Variants in INTU observed in about 807,000 individuals in gnomAD.
The protein encoded by INTU is inturned planar cell polarity protein.
INTU carries 68 observed loss-of-function variants against 100.5 expected under a neutral mutation model. That is an observed-to-expected ratio of 0.68 (90% CI 0.56 to 0.83). The LOEUF (loss-of-function observed/expected upper bound fraction) is 0.83, where lower values mean the gene tolerates loss of function less well. INTU is among the 40% of genes least tolerant of loss of function. The pLI is 0.00. For missense variants in INTU, 1,071 were observed against 1,114.7 expected, an observed-to-expected ratio of 0.96 and a Z score of 0.56; for synonymous variants, 357 against 395.7, an observed-to-expected ratio of 0.90 and a Z score of 1.16.
intron 1 of INTU, among the ~76,000 whole-genome samples, chr4:127,640,624 G>A (rs1727290443): frequency 8.2e-6 from 1 of 122,184 alleles, no homozygotes; most frequent in East Asian, 2.7e-4. Context: ...TATATTGATG[G>A]TTCCTATAAC....
chr4:127,669,183 G>T, intron 5 of INTU, 29 bp downstream of exon 5: 2 of 1,082,992 alleles, frequency 1.8e-6, no homozygotes, highest in Non-Finnish European at 1.4e-6. Flanking sequence ...CTTTAATTCT[G>T]TTTTTTTCAA....
At chr4:127,708,977 GTGTT>G (rs1445657326) in intron 13 of INTU, among the ~76,000 whole-genome samples, 2 of 152,120 alleles carry the variant, frequency 1.3e-5, no homozygotes, top group Admixed American at 6.6e-5. Context: ...ATTTTTTAGA[GTGTT>G]TGGTGGATGC....
chr4:127,674,323 A>G, intron 6 of INTU, 110 bp downstream of exon 6: 1 of 806,126 alleles, frequency 1.2e-6, no homozygotes, highest in Non-Finnish European at 2.0e-6. Context: ...ACAGTTTTAC[A>G]GTTTAAAGAT....
chr4:127,685,816 A>G (rs1230023188), intron 7 of INTU: 1 of 160,684 alleles, frequency 6.2e-6, no homozygotes. Context: ...TTGTCCTACA[A>G]ATTCCATTAG....
intron 2 of INTU, among the ~76,000 whole-genome samples, chr4:127,649,338 T>C (rs1403953966): frequency 6.6e-6 from 1 of 152,176 alleles, no homozygotes; most frequent in African/African-American, 2.4e-5. Context: ...TCCAAGGCTG[T>C]TCATTACACG....
chr4:127,691,107 G>T (rs1183455438), intron 8 of INTU, among the ~76,000 whole-genome samples: 1 of 152,038 alleles, frequency 6.6e-6, no homozygotes, highest in South Asian at 2.1e-4. Flanking sequence ...TAATCATATG[G>T]TATGTAGTCT....
chr4:127,645,981 G>A (rs1270417260), intron 2 of INTU, among the ~76,000 whole-genome samples: 1 of 151,942 alleles, frequency 6.6e-6, no homozygotes, highest in Non-Finnish European at 1.5e-5. Context: ...CCAGGAGTTT[G>A]AGACCAGCCT....
intron 4 of INTU, among the ~76,000 whole-genome samples, chr4:127,668,125 T>A (rs1034573364): frequency 3.3e-5 from 5 of 152,046 alleles, no homozygotes; most frequent in Admixed American, 6.6e-5. Flanking sequence ...CTCTGAACAT[T>A]TTCATTTTGC....
Position 127,687,934 on chromosome 4 carries a change from T to C in INTU, c.1449+67T>C, listed in dbSNP as rs1052416664. The C allele has an allele frequency of 4.6e-6, 5 of 1,088,430 alleles. No homozygotes were observed. In the African/African-American group the frequency reaches 6.4e-5, roughly 14 times the overall value. The allele number at this position is 1,088,430 out of a possible 1,614,324, so 67.4% of individuals were successfully genotyped here. On this transcript the variant is annotated intron_variant, in intron 8 of 15. Transcript: ENST00000335251. ...TTATTATAATCTTGTATCTTCTCTT[T>C]TTTTCGTAGACTTTTTGTTATTTTT...
chr4:127,695,909 T>G (rs1156459300), intron 8 of INTU, among the ~76,000 whole-genome samples: 8 of 152,222 alleles, frequency 5.3e-5, no homozygotes, highest in Admixed American at 5.2e-4. Flanking sequence ...GAAGGGGTAT[T>G]GGATTTTATC....
chr4:127,690,484 T>C (rs1387212708), intron 8 of INTU, among the ~76,000 whole-genome samples: 1 of 152,166 alleles, frequency 6.6e-6, no homozygotes, highest in Non-Finnish European at 1.5e-5. Flanking sequence ...ATGTTCACAG[T>C]CAGGTTGAGC....
At chr4:127,704,419 C>A (rs1730786452) in intron 10 of INTU, 129 bp downstream of exon 10, 2 of 717,290 alleles carry the variant, frequency 2.8e-6, no homozygotes. Context: ...AGATTAAGAG[C>A]TTTCTCATTT....
At chr4:127,696,031 G>T (rs1363794430) in intron 8 of INTU, among the ~76,000 whole-genome samples, 9 of 152,102 alleles carry the variant, frequency 5.9e-5, no homozygotes, top group Admixed American at 5.9e-4. Flanking sequence ...GCATACCTGG[G>T]ATAAATCTCC....
At chr4:127,678,712 G>A (rs1299256670) in intron 6 of INTU, among the ~76,000 whole-genome samples, 1 of 152,124 alleles carries the variant, frequency 6.6e-6, no homozygotes, top group Non-Finnish European at 1.5e-5. Context: ...AAAATAACCA[G>A]CTAACATCAT....
In INTU at chr4:127,687,773, C is replaced by G; in HGVS notation, c.1355C>G (p.Ala452Gly). 1 of 1,613,528 alleles carries G rather than the reference C, an allele frequency of 6.2e-7. No individual in the cohort carries two copies. The highest frequency in any genetic ancestry group is 8.5e-7 in the Non-Finnish European group (1 of 1,179,646). ...CAGCCTGCGAAACTGCATTCCAGCG[C>G]CAGTCCCAGTGCTCAGCAGTACGAT... is the stretch of plus-strand genomic sequence containing the variant. ...ALQPAKLHSS[A>G]SPSAQQYDAS... is the part of the protein sequence containing the mutation. Residue 452 changes from alanine to glycine, a missense_variant, in exon 8 of 16, where the codon GCC becomes GGC. Physicochemically the swap from Ala to Gly is moderately conservative, Grantham distance 60. Coordinates refer to ENST00000335251, the MANE Select transcript of INTU (RefSeq NM_015693.4).
intron 6 of INTU, among the ~76,000 whole-genome samples, chr4:127,676,486 T>G (rs901364935): frequency 6.6e-6 from 1 of 150,876 alleles, no homozygotes; most frequent in Admixed American, 6.6e-5. Flanking sequence ...CTTGGGAGGC[T>G]GAGGTGGGAG....
chr4:127,711,564 A>G (rs1467932264), intron 14 of INTU, among the ~76,000 whole-genome samples: 1 of 152,220 alleles, frequency 6.6e-6, no homozygotes, highest in Non-Finnish European at 1.5e-5. Context: ...GTGGCCTATT[A>G]GGAACCAGGC....
intron 2 of INTU, among the ~76,000 whole-genome samples, chr4:127,656,103 C>T (rs1056010398): frequency 6.6e-6 from 1 of 152,184 alleles, no homozygotes; most frequent in Non-Finnish European, 1.5e-5. Flanking sequence ...TGCGCACCCA[C>T]TGACCTACGC....
chr4:127,697,976 T>A (rs1249670119), intron 8 of INTU, among the ~76,000 whole-genome samples: 1 of 151,926 alleles, frequency 6.6e-6, no homozygotes, highest in Non-Finnish European at 1.5e-5. Flanking sequence ...CAAAATAAGC[T>A]GGGTGTGATG....
Sources: allele counts gnomAD v4.1 joint callset (sites outside exome capture counted in the v4.1 genomes callset), GRCh38; gene constraint gnomAD v4.1.1; transcripts MANE v1.5; gene names NCBI Gene and HGNC (gene_info 2026-07-23, HGNC 2026-07-21).